Variants in CCDC88B observed in about 807,000 individuals in gnomAD.
CCDC88B encodes coiled-coil and HOOK domain protein 88B.
A neutral mutation model predicts 183.7 loss-of-function variants in CCDC88B; 138 were observed. The ratio of observed to expected loss-of-function variants is 0.75; its 90% CI spans 0.65 to 0.87. CCDC88B has a LOEUF of 0.87. Among genes scored for constraint, CCDC88B ranks in the 40% least tolerant of loss-of-function variants. CCDC88B has a pLI of 0.00. For synonymous variants in CCDC88B, 835 were observed against 867.5 expected (o/e 0.96, Z 0.66); for missense variants, 1,822 against 1,965.6 (o/e 0.93, Z 1.38).
At chr11:64,346,958 C>A (rs1444603971) in intron 14 of CCDC88B, among the ~76,000 whole-genome samples, 1 of 151,460 alleles carries the variant, frequency 6.6e-6, no homozygotes, top group Non-Finnish European at 1.5e-5. Context: ...CCATGCCCAG[C>A]TAATTTTTTG....
rs763116642 is a variant in CCDC88B at position 64,355,664 on chromosome 11, G to A, written c.4375+36G>A. 6 of 1,553,478 alleles carry A rather than the reference G, an allele frequency of 3.9e-6. No homozygotes were observed. In the Admixed American group the frequency reaches 1.2e-4, roughly 31 times the overall value. On this transcript the variant is annotated intron_variant, in intron 26 of 26. Transcript: ENST00000356786. ...GACTGTGGAAGGAGTAGTATTCTTT[G>A]TCCTGCCTGGGGCCCCTGGCAGAAC...
At position 64,354,174 on chromosome 11, in the gene CCDC88B, G is replaced by A. The variant is rs2036454367; in HGVS notation, c.4099+4G>A. ...GGCAGGGAGGCAGATGGGACAGGTG[G>A]GTCTGGGGGTCAGGTGGCCAGGATG... On this transcript the variant is annotated splice_donor_region_variant and intron_variant, in intron 24 of 26. Coordinates refer to ENST00000356786, the MANE Select transcript of CCDC88B (RefSeq NM_032251.6). 7.4e-7 allele frequency: 1 copy of A among 1,345,298 alleles called. No homozygotes were observed. Among genetic ancestry groups the A allele is most frequent in the Admixed American group, 3.3e-5 (1 of 29,936 alleles). The allele number at this position is 1,345,298 out of a possible 1,614,324, so 83.3% of individuals were successfully genotyped here.
chr11:64,342,876 T>C lies in CCDC88B; in HGVS notation c.1062+196T>C, dbSNP rs11602301. 158 of 492,552 alleles carry C rather than the reference T, an allele frequency of 3.2e-4. 1 individual carries two copies. The South Asian group carries it at 3.3e-3, about 10-fold the overall frequency. The allele number at this position is 492,552 out of a possible 1,614,324, so 30.5% of individuals were successfully genotyped here. On this transcript the variant is annotated intron_variant, in intron 10 of 26. Transcript: ENST00000356786. ...AGAGGATGGGGCAGGTGTAGGGGAG[T>C]GGGGGGGCTGTGTAAGTGATGCAGC...
chr11:64,341,511 A>C lies in CCDC88B; in HGVS notation c.531+7A>C. The C allele has an allele frequency of 1.2e-6, 2 of 1,613,558 alleles. No individual in the cohort carries two copies. The highest frequency in any genetic ancestry group is 8.5e-7 in the Non-Finnish European group (1 of 1,179,998). On this transcript the variant is annotated splice_region_variant and intron_variant, in intron 6 of 26. Coordinates refer to ENST00000356786, the MANE Select transcript of CCDC88B (RefSeq NM_032251.6). ...GGCCGCTGCCATCCAGGAGGTACTG[A>C]GACGGTTCGGCAGCCCAGACTGGTA...
intron 14 of CCDC88B, chr11:64,349,102 G>T: frequency 1.4e-6 from 1 of 717,504 alleles, no homozygotes; most frequent in Non-Finnish European, 2.6e-6. Flanking sequence ...CAGCCCAGGG[G>T]CCTTCCTCAT....
rs961976142 is a variant in CCDC88B at position 64,341,430 on chromosome 11, C to T, written c.457C>T (p.Arg153Trp). 3 of 1,613,946 alleles carry T rather than the reference C, an allele frequency of 1.9e-6. No homozygotes were observed. ...LLGASVQCEHRELFIRHIQGL... is the reference protein window; with the variant it reads ...LLGASVQCEHWELFIRHIQGL... Reference sequence around the variant, plus strand: ...TCCTGTCTCCCCTCAGTGTGAGCACCGGGAACTCTTCATCCGCCACATCCA... The same window carrying T: ...TCCTGTCTCCCCTCAGTGTGAGCACTGGGAACTCTTCATCCGCCACATCCA... Residue 153 changes from arginine (R) to tryptophan (W), a missense_variant, in exon 6 of 27, where the codon CGG becomes TGG. Arg to Trp is a moderately radical substitution (Grantham distance 101, BLOSUM62 -3). Coordinates refer to ENST00000356786, the MANE Select transcript of CCDC88B (RefSeq NM_032251.6).
At chr11:64,348,416 G>A (rs558787391) in intron 14 of CCDC88B, among the ~76,000 whole-genome samples, 1 of 152,172 alleles carries the variant, frequency 6.6e-6, no homozygotes, top group East Asian at 1.9e-4. Flanking sequence ...AGGGCCCGGA[G>A]GAGGGCAGGG....
At position 64,344,992 on chromosome 11, in the gene CCDC88B, G is replaced by A. The variant is rs533438647; in HGVS notation, c.2451G>A (p.Ala817=). 259 of 1,546,694 alleles carry A rather than the reference G, an allele frequency of 1.7e-4. 1 individual carries two copies. The Middle Eastern group carries it at 2.8e-3, about 17-fold the overall frequency. Reference sequence around the variant, plus strand: ...AGGAACGGGAGGCGCTGGTGGAGGCGCTGGCAGCAGCGGGCCGGGAGCGGA... The same window carrying A: ...AGGAACGGGAGGCGCTGGTGGAGGCACTGGCAGCAGCGGGCCGGGAGCGGA... ...ASQEREALVE[A]LAAAGRERRQ... is the part of the protein sequence containing the mutation. The change falls in exon 14 of 27, where the codon GCG becomes GCA. Residue 817 remains alanine (A), a synonymous_variant. Transcript: ENST00000356786. This position sits in a 1 kb window ranked among gnomAD's most constrained non-coding sequence, Gnocchi z 4.5.
At chr11:64,340,487 G>A in intron 1 of CCDC88B, 120 bp from the exon 2 acceptor site, 1 of 1,464,172 alleles carries the variant, frequency 6.8e-7, no homozygotes, top group Non-Finnish European at 9.1e-7. Context: ...TGTGGTGAGG[G>A]AAGAGGGGAC....
At chr11:64,343,429 C>A in intron 11 of CCDC88B, 78 bp from the exon 12 acceptor site, 1 of 1,539,760 alleles carries the variant, frequency 6.5e-7, no homozygotes, top group Middle Eastern at 1.7e-4. Flanking sequence ...CTCTTGGTGA[C>A]CTCTAGTGAC....
Position 64,355,622 on chromosome 11 carries a change from C to A in CCDC88B, c.4369C>A (p.Arg1457=), listed in dbSNP as rs746877372. 3.7e-6 allele frequency: 6 copies of A among 1,611,062 alleles called. No homozygotes were observed. In the South Asian group the frequency reaches 5.5e-5, roughly 15 times the overall value. Residue 1457 remains arginine (R), a synonymous_variant, in exon 26 of 27, where the codon CGA becomes AGA. Transcript: ENST00000356786. ...GCAGGAACACGAAACAGATGCCAAC[C>A]GAGAGGGTGAGTGGGGGACTGTGGA... is the stretch of plus-strand genomic sequence containing the variant. ...TLQEHETDAN[R]EGPEVQEPEK... is the part of the protein sequence containing the mutation.
chr11:64,342,386 A>C lies in CCDC88B; in HGVS notation c.903+11A>C, dbSNP rs748719553. ...AGGCTCCGCCAGGAGGTGCGCTCACATGCTCCCCGCCACCGCGGCATTCCC... is the reference window on the plus strand; with the variant it reads ...AGGCTCCGCCAGGAGGTGCGCTCACCTGCTCCCCGCCACCGCGGCATTCCC... On this transcript the variant is annotated intron_variant, in intron 9 of 26. Coordinates refer to ENST00000356786, the MANE Select transcript of CCDC88B (RefSeq NM_032251.6). 6.4e-7 allele frequency: 1 copy of C among 1,569,644 alleles called. No homozygotes were observed. Among genetic ancestry groups the C allele is most frequent in the Non-Finnish European group, 8.6e-7 (1 of 1,158,196 alleles).
chr11:64,349,274 C>A, intron 14 of CCDC88B, 57 bp from the exon 15 acceptor site: 1 of 1,501,940 alleles, frequency 6.7e-7, no homozygotes, highest in Non-Finnish European at 8.9e-7. Context: ...ACTCTCAGGC[C>A]TCTGTCTCCG....
At position 64,343,811 on chromosome 11, in the gene CCDC88B, A is replaced by G. The variant is rs1364712662; in HGVS notation, c.1352A>G (p.Asp451Gly). The G allele has an allele frequency of 2.5e-6, 4 of 1,591,268 alleles. No homozygotes were observed. The highest frequency in any genetic ancestry group is 1.1e-5 in the South Asian group (1 of 87,898). Residue 451 changes from aspartate to glycine, a missense_variant, in exon 13 of 27, where the codon GAT becomes GGT. Asp to Gly is a moderately conservative substitution (Grantham distance 94). Coordinates refer to ENST00000356786, the MANE Select transcript of CCDC88B (RefSeq NM_032251.6). Reference sequence around the variant, plus strand: ...GCAGGAGCGGCCCCCTCGCTGCAAGATGAGGTGAGGGAGGCAGAGGCTGGG... The same window carrying G: ...GCAGGAGCGGCCCCCTCGCTGCAAGGTGAGGTGAGGGAGGCAGAGGCTGGG... Reference protein sequence around the residue: ...PLAGAAPSLQDEVREAEAGRL... With the variant: ...PLAGAAPSLQGEVREAEAGRL...
chr11:64,351,600 A>T lies in CCDC88B; in HGVS notation c.3083A>T (p.His1028Leu). 1 of 1,564,236 alleles carries T rather than the reference A, an allele frequency of 6.4e-7. No individual in the cohort carries two copies. The change falls in exon 18 of 27, where the codon CAC becomes CTC. Residue 1028 changes from histidine (H) to leucine (L), a missense_variant. His to Leu is a moderately conservative substitution (Grantham distance 99, BLOSUM62 -3). Coordinates refer to ENST00000356786, the MANE Select transcript of CCDC88B (RefSeq NM_032251.6). ...LLLQSQRAQE[H>L]SSRLQAEKSV... ...CTGCAGAGCCAGCGGGCGCAGGAGC[A>T]CAGCAGCCGCCTGCAGGTGGGTGGT...
rs1005286677 is a variant in CCDC88B, at chr11:64,352,600, C to T, written c.3357-144C>T. 3 of 1,374,754 alleles carry T rather than the reference C, an allele frequency of 2.2e-6. No individual in the cohort carries two copies. The African/African-American group carries it at 4.3e-5, about 20-fold the overall frequency. 85.2% of individuals were successfully genotyped at this position (1,374,754 alleles called of 1,614,324 possible). ...CCTATTGGGAGTGGTGGGCACCTGG[C>T]ATGGCATTCTGCCCAATGGCTTCCT... On this transcript the variant is annotated intron_variant, in intron 19 of 26. Coordinates refer to ENST00000356786, the MANE Select transcript of CCDC88B (RefSeq NM_032251.6).
intron 24 of CCDC88B, 91 bp downstream of exon 24, chr11:64,354,261 C>G: frequency 1.7e-6 from 2 of 1,149,930 alleles, no homozygotes; most frequent in African/African-American, 1.6e-5. Context: ...GGCCTGCATG[C>G]GTGACCCCAT....
At chr11:64,343,940 G>A (rs1373041412) in intron 13 of CCDC88B, 26 bp downstream of exon 13, 1 of 1,577,824 alleles carries the variant, frequency 6.3e-7, no homozygotes, top group South Asian at 1.2e-5. Context: ...CAGGGTCCTG[G>A]CCGGCCCTTC....
At chr11:64,342,769 C>G (rs972951252) in intron 10 of CCDC88B, 89 bp downstream of exon 10, 3 of 1,386,290 alleles carry the variant, frequency 2.2e-6, no homozygotes, top group Admixed American at 2.9e-5. Context: ...GGCAGAGAGG[C>G]AGGTTCTCTG....
Sources: gnomAD v4.1 joint callset for allele counts (sites outside exome capture counted in the v4.1 genomes callset) on GRCh38, gnomAD v4.1.1 for gene constraint, Gnocchi (gnomAD v3.1) non-coding constraint, MANE v1.5 for transcripts, NCBI Gene and HGNC (gene_info 2026-07-23, HGNC 2026-07-21) for gene names.